ANKRD42: variants seen among roughly 807,000 people sequenced by gnomAD.
ANKRD42 encodes ankyrin repeat domain 42.
In ANKRD42, 43 loss-of-function variants were observed where a neutral mutation model predicts 51.5. That is an observed-to-expected ratio of 0.83 (90% CI 0.65 to 1.08). The LOEUF (loss-of-function observed/expected upper bound fraction) is 1.08. Among genes scored for constraint, ANKRD42 ranks in the 50% least tolerant of loss-of-function variants. ANKRD42 has a pLI of 0.00. For synonymous variants in ANKRD42, 203 were observed against 213.0 expected, an observed-to-expected ratio of 0.95 and a Z score of 0.41; for missense variants, 608 against 629.3, an observed-to-expected ratio of 0.97 and a Z score of 0.36.
At chr11:83,240,561 C>T (rs1263133598) in intron 8 of ANKRD42, among the ~76,000 whole-genome samples, 198 bp from the exon 9 acceptor site, 3 of 152,172 alleles carry the variant, frequency 2.0e-5, no homozygotes, top group Non-Finnish European at 4.4e-5. Flanking sequence ...GAATAATTGT[C>T]CGTAGTGCCA....
At chr11:83,220,574 A>C (rs1245039408) in intron 5 of ANKRD42, among the ~76,000 whole-genome samples, 4 of 152,192 alleles carry the variant, frequency 2.6e-5, no homozygotes, top group Non-Finnish European at 5.9e-5. Context: ...GTGAAAGTAC[A>C]AAGCTTCCAC....
rs1485024942 is a variant in ANKRD42, at chr11:83,245,548, G to A, written c.1246G>A (p.Glu416Lys). The change falls in exon 10 of 11, where the codon GAG becomes AAG. Residue 416 changes from glutamate (E) to lysine (K), a missense_variant. Coordinates refer to ENST00000533342, the MANE Select transcript of ANKRD42 (RefSeq NM_001300975.2). ...ATTGAGACACCTCCTGGAAATTGCCGAGAGCAACTATAAACACTTGGGAGG... is the reference window on the plus strand; with the variant it reads ...ATTGAGACACCTCCTGGAAATTGCCAAGAGCAACTATAAACACTTGGGAGG... ...VELRHLLEIA[E>K]SNYKHLGGIT... 3.9e-6 allele frequency: 6 copies of A among 1,536,424 alleles called. No individual in the cohort carries two copies. Among genetic ancestry groups the A allele is most frequent in the Admixed American group, 2.0e-5 (1 of 50,978 alleles).
At chr11:83,197,277 A>G (rs1861696063) in intron 1 of ANKRD42, among the ~76,000 whole-genome samples, 1 of 152,114 alleles carries the variant, frequency 6.6e-6, no homozygotes, top group Non-Finnish European at 1.5e-5. Context: ...GTATTTATCC[A>G]AATAGATTTT....
At chr11:83,260,009 C>T (rs1481731076), downstream of ANKRD42, 1 of 152,250 alleles carries the variant, frequency 6.6e-6, no homozygotes, top group African/African-American at 2.4e-5. Flanking sequence ...TGGTCCCAAA[C>T]AGGAGTGGGG....
Position 83,224,997 on chromosome 11 carries a change from C to T in ANKRD42, c.729C>T (p.Asn243=), listed in dbSNP as rs1158540377. ...LDLAQRFFKQ[N]ILQFIQGAEY... The stretch of plus-strand genomic sequence containing the variant: ...TGGCCCAGAGGTTCTTCAAGCAGAA[C>T]ATTTTACAGTTTATCCAGGGGGCTG... The change falls in exon 6 of 11, where the codon AAC becomes AAT. Residue 243 remains asparagine (N), a synonymous_variant. Coordinates refer to ENST00000533342, the MANE Select transcript of ANKRD42 (RefSeq NM_001300975.2). 5 of 1,613,170 alleles carry T rather than the reference C, an allele frequency of 3.1e-6. No individual in the cohort carries two copies. The highest frequency in any genetic ancestry group is 1.7e-5 in the Admixed American group (1 of 59,968).
At chr11:83,219,584 C>T (rs1419895815) in intron 5 of ANKRD42, among the ~76,000 whole-genome samples, 1 of 152,194 alleles carries the variant, frequency 6.6e-6, no homozygotes, top group African/African-American at 2.4e-5. Context: ...GAGTAAGCCC[C>T]TCTCTCAAGG....
At chr11:83,254,430 CTTTTCTT>C (rs1421481562) in intron 11 of ANKRD42, among the ~76,000 whole-genome samples, 2,536 of 130,396 alleles carry the variant, frequency 0.019, 86 homozygotes, top group African/African-American at 0.069. Context: ...TTTCTTTTTT[CTTTTCTT>C]TTTTTTTTTT....
At chr11:83,216,579 C>G (rs1021497329) in intron 5 of ANKRD42, among the ~76,000 whole-genome samples, 1 of 152,182 alleles carries the variant, frequency 6.6e-6, no homozygotes, top group African/African-American at 2.4e-5. Flanking sequence ...CCGCCTCGGC[C>G]TCCCAAAGTG....
intron 3 of ANKRD42, 38 bp downstream of exon 3, chr11:83,206,203 T>A: frequency 6.9e-7 from 1 of 1,459,722 alleles, no homozygotes; most frequent in Non-Finnish European, 9.6e-7. Flanking sequence ...TCAATTACTT[T>A]AACATAGTTC....
intron 6 of ANKRD42, 117 bp from the exon 7 acceptor site, chr11:83,227,630 C>T (rs1862929833): frequency 1.8e-5 from 19 of 1,045,876 alleles, no homozygotes; most frequent in South Asian, 3.5e-5. Context: ...TGAACTCATC[C>T]GATTACAACA....
chr11:83,237,969 AT>A (rs1218889394), intron 8 of ANKRD42, among the ~76,000 whole-genome samples: 1 of 152,196 alleles, frequency 6.6e-6, no homozygotes, highest in Non-Finnish European at 1.5e-5. Context: ...TTTTATATAA[AT>A]GGAATCATAC....
At chr11:83,222,165 TCTGGG>T (rs1862735854) in intron 5 of ANKRD42, among the ~76,000 whole-genome samples, 1 of 152,208 alleles carries the variant, frequency 6.6e-6, no homozygotes, top group African/African-American at 2.4e-5. Flanking sequence ...ATATTTGAAT[TCTGGG>T]CTATTGCTAG....
chr11:83,247,908 G>A (rs1241528646), intron 10 of ANKRD42, 35 bp from the exon 11 acceptor site: 2 of 1,544,140 alleles, frequency 1.3e-6, no homozygotes, highest in Non-Finnish European at 1.8e-6. Context: ...AGTTGACATT[G>A]ATGATTGATT....
At position 83,247,890 on chromosome 11, in the gene ANKRD42, T is replaced by C. The variant is rs1163204898; in HGVS notation, c.1323-53T>C. ...TATGAATGCTTTCCACTACTAAAAG[T>C]AATTATTAGTTGACATTGATGATTG... On this transcript the variant is annotated intron_variant, in intron 10 of 10. Coordinates refer to ENST00000533342, the MANE Select transcript of ANKRD42 (RefSeq NM_001300975.2). 9.1e-6 allele frequency: 13 copies of C among 1,431,508 alleles called. No individual in the cohort carries two copies. In the Admixed American group the frequency reaches 2.6e-4, roughly 28 times the overall value. The allele number at this position is 1,431,508 out of a possible 1,614,324, so 88.7% of individuals were successfully genotyped here.
At chr11:83,257,492 T>A (rs1565202159), downstream of ANKRD42, 5 of 358,956 alleles carry the variant, frequency 1.4e-5, no homozygotes, top group East Asian at 7.4e-5. Context: ...TGTGTGAGAT[T>A]TGTGCCAAGC....
At chr11:83,228,854 C>G (rs1039572267) in intron 7 of ANKRD42, among the ~76,000 whole-genome samples, 8 of 152,082 alleles carry the variant, frequency 5.3e-5, no homozygotes, top group African/African-American at 1.9e-4. Context: ...CTCACTCCAT[C>G]CATTTCTGCT....
At chr11:83,249,942 G>T (rs1230089297), downstream of ANKRD42, among the ~76,000 whole-genome samples, 1 of 152,060 alleles carries the variant, frequency 6.6e-6, no homozygotes, top group Non-Finnish European at 1.5e-5. Context: ...GCACGCAGAG[G>T]TATTCACTAT....
At chr11:83,249,429 T>C (rs1267296572), downstream of ANKRD42, among the ~76,000 whole-genome samples, 1 of 152,204 alleles carries the variant, frequency 6.6e-6, no homozygotes, top group African/African-American at 2.4e-5. Flanking sequence ...CTTGCTTTGT[T>C]GCCAAGGCTA....
chr11:83,225,782 GAAAAAA>G lies in ANKRD42; in HGVS notation c.787+745_787+750del, dbSNP rs59860833. Reference sequence around the variant, plus strand: ...GCAGCAAGAGCGAAACTCCATCCTGGAAAAAAAAAAAAAAAAAAAAAAAGGAATAAA... The same window carrying G: ...GCAGCAAGAGCGAAACTCCATCCTGGAAAAAAAAAAAAAAAAAGGAATAAA... On this transcript the variant is annotated intron_variant, in intron 6 of 10. Transcript: ENST00000533342. Among the ~76,000 whole-genome samples the G allele has an allele frequency of 1.7e-3, 149 of 88,778 alleles. 2 individuals carry two copies. The Middle Eastern group carries it at 0.031, about 19-fold the overall frequency. The allele number at this position is 88,778 out of a possible 152,430, so 58.2% of individuals were successfully genotyped here.
Sources: gnomAD v4.1 joint callset for allele counts (sites outside exome capture counted in the v4.1 genomes callset) on GRCh38, gnomAD v4.1.1 for gene constraint, MANE v1.5 for transcripts, NCBI Gene and HGNC (gene_info 2026-07-23, HGNC 2026-07-21) for gene names.